PCDHGA2: variants seen among roughly 807,000 people sequenced by gnomAD.
PCDHGA2 encodes protocadherin gamma subfamily A, 2.
Under a neutral mutation model 59.2 loss-of-function variants are expected in PCDHGA2, and 40 were observed. That is an observed-to-expected ratio of 0.68 (90% confidence interval 0.52 to 0.88). PCDHGA2 has a LOEUF of 0.88. Among genes scored for constraint, PCDHGA2 ranks in the 40% least tolerant of loss-of-function variants. The pLI is 0.00. For synonymous variants in PCDHGA2, 560 were observed against 526.0 expected (o/e 1.06, Z -0.89); for missense variants, 1,226 against 1,204.0 (o/e 1.02, Z -0.27).
At chr5:141,387,479 A>C (rs2090961106) in intron 1 of PCDHGA2, among the ~76,000 whole-genome samples, 1 of 152,258 alleles carries the variant, frequency 6.6e-6, no homozygotes, top group Non-Finnish European at 1.5e-5. Context: ...AGTTGGGATG[A>C]AGGCATTCCT....
Position 141,511,410 on chromosome 5 carries a change from T to TA in PCDHGA2, c.*238dup. On this transcript the variant is annotated 3_prime_UTR_variant, in exon 4 of 4. Coordinates refer to ENST00000394576, the MANE Select transcript of PCDHGA2 (RefSeq NM_018915.4). ...GGAACCCCCATCCAATCAACTGCTG[T>TA]ACCCATGGGGGTAGTGGGGTTACTG... The TA allele has an allele frequency of 1.1e-6, 1 of 908,822 alleles. No homozygotes were observed. The highest frequency in any genetic ancestry group is 1.6e-6 in the Non-Finnish European group (1 of 624,204). 56.3% of individuals were successfully genotyped at this position (908,822 alleles called of 1,614,324 possible).
chr5:141,486,029 C>G lies in PCDHGA2; in HGVS notation c.2425-8778C>G. Reference sequence around the variant, plus strand: ...CACCTTTTATTTCAGTGGTCATACCCCTGATCGTGTAAGAAACCTCTTTAG... The same window carrying G: ...CACCTTTTATTTCAGTGGTCATACCGCTGATCGTGTAAGAAACCTCTTTAG... On this transcript the variant is annotated intron_variant, in intron 1 of 3. Transcript: ENST00000394576. The surrounding 1 kb of genome is among the most constrained non-coding windows in gnomAD (Gnocchi z 5.0). 6.2e-7 allele frequency: 1 copy of G among 1,614,016 alleles called. No homozygotes were observed. Among genetic ancestry groups the G allele is most frequent in the Non-Finnish European group, 8.5e-7 (1 of 1,179,900 alleles).
chr5:141,466,494 G>C (rs1186331329), intron 1 of PCDHGA2, among the ~76,000 whole-genome samples: 4 of 152,134 alleles, frequency 2.6e-5, no homozygotes. Context: ...TCTTTAATTA[G>C]AGCACAGACA....
chr5:141,383,238 A>G (rs1381388622), intron 1 of PCDHGA2: 1 of 1,613,848 alleles, frequency 6.2e-7, no homozygotes, highest in Non-Finnish European at 8.5e-7. Flanking sequence ...TGGAAGATAA[A>G]ATGAATCTTT....
intron 2 of PCDHGA2, 107 bp from the exon 3 acceptor site, chr5:141,505,286 A>T: frequency 3.2e-6 from 5 of 1,551,278 alleles, no homozygotes; most frequent in Non-Finnish European, 4.4e-6. Flanking sequence ...GGTCTTGGGC[A>T]TGGGGTAGGG....
intron 1 of PCDHGA2, chr5:141,395,486 A>G: frequency 2.0e-6 from 1 of 510,062 alleles, no homozygotes; most frequent in Non-Finnish European, 3.4e-6. Flanking sequence ...TATTCCTATT[A>G]TCACTCATTC....
intron 1 of PCDHGA2, chr5:141,393,960 G>T: frequency 6.2e-7 from 1 of 1,613,944 alleles, no homozygotes; most frequent in South Asian, 1.1e-5. Context: ...TGGTCAAGTT[G>T]TCTGTTACAC....
intron 1 of PCDHGA2, chr5:141,414,557 A>C: frequency 6.2e-7 from 1 of 1,613,906 alleles, no homozygotes. Flanking sequence ...CAAGTCTCCT[A>C]CTTTACCTAT....
At position 141,415,600 on chromosome 5, in the gene PCDHGA2, C is replaced by G. The variant is rs778987183; in HGVS notation, c.2424+74205C>G. ...TTCGAAGTTTCCTATAGAGGATACC[C>G]CATTGGTTCCAGTGAGTTTTATTTT... On this transcript the variant is annotated intron_variant, in intron 1 of 3. Coordinates refer to ENST00000394576, the MANE Select transcript of PCDHGA2 (RefSeq NM_018915.4). 24 of 1,613,588 alleles carry G rather than the reference C, an allele frequency of 1.5e-5. No individual in the cohort carries two copies. In the Middle Eastern group the frequency reaches 1.2e-3, roughly 77 times the overall value.
At chr5:141,400,138 A>G (rs1459833287) in intron 1 of PCDHGA2, 4 of 1,614,046 alleles carry the variant, frequency 2.5e-6, no homozygotes, top group Admixed American at 1.7e-5. Context: ...GCTGCCGGAT[A>G]TCACTGACCG....
chr5:141,396,347 G>A (rs765584625), intron 1 of PCDHGA2: 21 of 152,416 alleles, frequency 1.4e-4, no homozygotes, highest in Non-Finnish European at 2.5e-4. Context: ...GGCCGGGTGC[G>A]GTGGCTCACG....
intron 1 of PCDHGA2, chr5:141,426,510 T>C: frequency 2.9e-6 from 1 of 342,914 alleles, no homozygotes; most frequent in Non-Finnish European, 5.8e-6. Context: ...AACAATACTT[T>C]ACCGTGAACA....
chr5:141,422,677 C>G, intron 1 of PCDHGA2: 1 of 1,606,186 alleles, frequency 6.2e-7, no homozygotes, highest in Non-Finnish European at 8.5e-7. Context: ...GGACAGCAAA[C>G]AGAATGCCCT....
chr5:141,353,931 C>T lies in PCDHGA2; in HGVS notation c.2424+12536C>T, dbSNP rs192622992. On this transcript the variant is annotated intron_variant, in intron 1 of 3. Transcript: ENST00000394576. ...TGCCCTTTTGTATGAGTCATTTCTA[C>T]TGCTAATTGTTAAGTGAGGAATAAG... Among the ~76,000 whole-genome samples the T allele has an allele frequency of 8.7e-4, 133 of 152,336 alleles. 1 individual carries two copies. The highest frequency in any genetic ancestry group is 3.1e-3 in the African/African-American group (128 of 41,572).
At chr5:141,466,034 A>T (rs189202430) in intron 1 of PCDHGA2, among the ~76,000 whole-genome samples, 1,557 of 152,178 alleles carry the variant, frequency 0.01, 35 homozygotes, top group African/African-American at 0.035. Flanking sequence ...AGGCAGGAGA[A>T]CGGCATGAAC....
chr5:141,356,683 A>G, intron 1 of PCDHGA2: 1 of 1,613,916 alleles, frequency 6.2e-7, no homozygotes, highest in Non-Finnish European at 8.5e-7. Flanking sequence ...GGCCGAAGAC[A>G]CCTTCCAGGG....
intron 1 of PCDHGA2, chr5:141,372,274 G>T (rs767978142): frequency 4.3e-6 from 7 of 1,612,960 alleles, no homozygotes; most frequent in Non-Finnish European, 3.4e-6. Context: ...GGTGAGGTGC[G>T]CACGGCGCGT....
At chr5:141,500,256 T>C (rs1045685908) in intron 2 of PCDHGA2, among the ~76,000 whole-genome samples, 1 of 151,676 alleles carries the variant, frequency 6.6e-6, no homozygotes, top group Non-Finnish European at 1.5e-5. Flanking sequence ...TCACCCAGGC[T>C]GGACTGCAGT....
chr5:141,475,951 G>A, intron 1 of PCDHGA2: 4 of 766,902 alleles, frequency 5.2e-6, no homozygotes, highest in South Asian at 1.9e-5. Flanking sequence ...CCCTTTCTGC[G>A]CCCCGGGATG....
Sources: allele counts gnomAD v4.1 joint callset (sites outside exome capture counted in the v4.1 genomes callset), GRCh38; gene constraint gnomAD v4.1.1; non-coding constraint Gnocchi (gnomAD v3.1); transcripts MANE v1.5; gene names NCBI Gene and HGNC (gene_info 2026-07-23, HGNC 2026-07-21).